Variants in CHD8 observed in about 807,000 individuals in gnomAD.
CHD8 encodes chromodomain helicase DNA binding protein 8, also known as ATP-dependent chromatin remodeler CHD8.
CHD8 carries 31 observed loss-of-function variants against 279.2 expected under a neutral mutation model. The ratio of observed to expected loss-of-function variants is 0.11; its 90% CI spans 0.08 to 0.15. The LOEUF is 0.15. Among genes scored for constraint, CHD8 ranks in the 10% least tolerant of loss-of-function variants. The pLI, the probability that CHD8 is intolerant of heterozygous loss-of-function variation, is 1.00. For synonymous variants in CHD8, 1,081 were observed against 1,139.6 expected, an observed-to-expected ratio of 0.95 and a Z score of 1.04; for missense variants, 2,146 against 3,230.5, an observed-to-expected ratio of 0.66 and a Z score of 8.14.
At chr14:21,454,838 T>A (rs1297673577) in intron 1 of CHD8, 2 of 152,058 alleles carry the variant, frequency 1.3e-5, no homozygotes, top group Non-Finnish European at 2.9e-5. Flanking sequence ...TCTATGAGGT[T>A]GACTAGAATT....
rs370106194 is a variant in CHD8 at position 21,393,127 on chromosome 14, T to C, written c.6447A>G (p.Gln2149=). The change falls in exon 33 of 38, where the codon CAA becomes CAG. Residue 2149 remains glutamine (Q), a synonymous_variant. Coordinates refer to ENST00000646647, the MANE Select transcript of CHD8 (RefSeq NM_001170629.2). ...TPELLLLQER[Q]RASEWPKDRV... Reference sequence around the variant, plus strand: ...TTACCTTGGGCCACTCAGAGGCTCTTTGTCTTTCCTGCAGTAGCAGAAGCT... The same window carrying C: ...TTACCTTGGGCCACTCAGAGGCTCTCTGTCTTTCCTGCAGTAGCAGAAGCT... 3 of 1,613,870 alleles carry C rather than the reference T, an allele frequency of 1.9e-6. No individual in the cohort carries two copies. The highest frequency in any genetic ancestry group is 1.7e-6 in the Non-Finnish European group (2 of 1,179,882).
In CHD8 at chr14:21,390,981, G is replaced by A. The variant is rs751755659; in HGVS notation, c.7148C>T (p.Pro2383Leu). The change falls in exon 37 of 38, where the codon CCA becomes CTA. Residue 2383 changes from proline (P) to leucine (L), a missense_variant. Around this residue, in one of 26 missense-constraint regions of CHD8, gnomAD observed 336 missense variants for 392.9 expected, o/e 0.86. Transcript: ENST00000646647. ...KAELNCLGMEPVQTANSRNGK... is the reference protein window; with the variant it reads ...KAELNCLGMELVQTANSRNGK... ...ATTTCTAGAGTTAGCTGTCTGTACTGGTTCCATTCCCAAACAGTTCAATTC... is the reference window on the plus strand; with the variant it reads ...ATTTCTAGAGTTAGCTGTCTGTACTAGTTCCATTCCCAAACAGTTCAATTC... The A allele has an allele frequency of 6.2e-7, 1 of 1,604,072 alleles. No homozygotes were observed. Among genetic ancestry groups the A allele is most frequent in the African/African-American group, 1.3e-5 (1 of 74,848 alleles).
At position 21,408,646 on chromosome 14, in the gene CHD8, A is replaced by G; in HGVS notation, c.2486+58T>C. ...TAGGAAGAAATTGTTTCAATAGAAA[A>G]CAAATAAAAATAATCCCAGAACTAA... is the stretch of plus-strand genomic sequence containing the variant. On this transcript the variant is annotated intron_variant, in intron 12 of 37. Transcript: ENST00000646647. The surrounding 1 kb of genome is among the most constrained non-coding windows in gnomAD (Gnocchi z 4.3). The G allele has an allele frequency of 1.9e-6, 3 of 1,572,574 alleles. No homozygotes were observed. The highest frequency in any genetic ancestry group is 8.6e-7 in the Non-Finnish European group (1 of 1,160,440).
rs1418510429 is a variant in CHD8 at position 21,403,730 on chromosome 14, C to T, written c.3308-67G>A. On this transcript the variant is annotated intron_variant, in intron 16 of 37. Transcript: ENST00000646647. This position sits in a 1 kb window ranked among gnomAD's most constrained non-coding sequence, Gnocchi z 4.3. ...CATATTAAGGTTGTAGTCTATTTAA[C>T]TAAGAAAGCAAAAGGAAAAAAATGT... is the stretch of plus-strand genomic sequence containing the variant. The T allele has an allele frequency of 2.3e-6, 3 of 1,303,980 alleles. No homozygotes were observed. Among genetic ancestry groups the T allele is most frequent in the Admixed American group, 2.2e-5 (1 of 46,294 alleles). The allele number at this position is 1,303,980 out of a possible 1,614,324, so 80.8% of individuals were successfully genotyped here.
In CHD8 at chr14:21,385,500, G is replaced by T; in HGVS notation, c.*113C>A. 2.2e-6 allele frequency: 3 copies of T among 1,375,450 alleles called. No homozygotes were observed. Among genetic ancestry groups the T allele is most frequent in the Admixed American group, 3.0e-5 (1 of 33,516 alleles). 85.2% of individuals were successfully genotyped at this position (1,375,450 alleles called of 1,614,324 possible). On this transcript the variant is annotated 3_prime_UTR_variant, in exon 38 of 38. Coordinates refer to ENST00000646647, the MANE Select transcript of CHD8 (RefSeq NM_001170629.2). The stretch of plus-strand genomic sequence containing the variant: ...TTTTTTTTTTTCCTTTTCACCTCCT[G>T]GAGTCCTGGACTTCCCCACATCTCC...
At chr14:21,406,708 T>A in intron 14 of CHD8, 148 bp downstream of exon 14, 1 of 671,648 alleles carries the variant, frequency 1.5e-6, no homozygotes, top group South Asian at 2.3e-5. Context: ...TTTACACGAC[T>A]TTCAGGTTAC....
intron 27 of CHD8, 38 bp from the exon 28 acceptor site, chr14:21,395,930 G>GT: frequency 7.4e-7 from 1 of 1,358,788 alleles, no homozygotes; most frequent in Non-Finnish European, 1.1e-6. Flanking sequence ...TGTTAATAAT[G>GT]TATCTTCTAT....
chr14:21,424,964 G>A (rs532582002), intron 5 of CHD8, among the ~76,000 whole-genome samples: 1 of 152,280 alleles, frequency 6.6e-6, no homozygotes, highest in African/African-American at 2.4e-5. Context: ...AGGCCACAGA[G>A]CTACTTAGAA....
chr14:21,386,011 T>C lies in CHD8; in HGVS notation c.7348A>G (p.Ser2450Gly), dbSNP rs1271576942. Residue 2450 changes from serine to glycine, a missense_variant, in exon 38 of 38, where the codon AGC becomes GGC. Ser to Gly is a moderately conservative substitution (Grantham distance 56). Transcript: ENST00000646647. ...GACACAGACTGTAGGCCACTACTGC[T>C]GTGTTGGAACGTGTTATGCAGAGAT... ...SLSLHNTFQH[S>G]SSGLQSVSSL... 10 of 1,592,984 alleles carry C rather than the reference T, an allele frequency of 6.3e-6. No homozygotes were observed. The highest frequency in any genetic ancestry group is 7.7e-6 in the Non-Finnish European group (9 of 1,169,318).
chr14:21,405,785 G>A lies in CHD8; in HGVS notation c.2987C>T (p.Pro996Leu), dbSNP rs750799334. 6.2e-6 allele frequency: 10 copies of A among 1,613,726 alleles called. No homozygotes were observed. Among genetic ancestry groups the A allele is most frequent in the Non-Finnish European group, 4.2e-6 (5 of 1,179,794 alleles). Residue 996 changes from proline (P) to leucine (L), a missense_variant, in exon 15 of 38, where the codon CCG (proline) becomes CTG (leucine). By Grantham distance (98) the Pro-to-Leu change is moderately conservative. Transcript: ENST00000646647. This position sits in a 1 kb window ranked among gnomAD's most constrained non-coding sequence, Gnocchi z 4.2. ...ELFSLLHFLE[P>L]SQFPSESEFL... Reference sequence around the variant, plus strand: ...CTCTGATTCTGAGGGAAATTGTGACGGTTCCAAGAAATGAAGCAAGCTAAA... The same window carrying A: ...CTCTGATTCTGAGGGAAATTGTGACAGTTCCAAGAAATGAAGCAAGCTAAA...
At chr14:21,412,089 G>C (rs1259138274) in intron 10 of CHD8, among the ~76,000 whole-genome samples, 1 of 151,876 alleles carries the variant, frequency 6.6e-6, no homozygotes, top group African/African-American at 2.4e-5. Context: ...AAAAGAAAAA[G>C]AAAAAAGAGA....
chr14:21,436,955 A>C (rs772730351), intron 1 of CHD8: 7 of 1,285,654 alleles, frequency 5.4e-6, no homozygotes, highest in Middle Eastern at 2.1e-4. Context: ...GAGGCGGAAG[A>C]TTTCTGGTAA....
chr14:21,434,233 C>T (rs1889682424), intron 1 of CHD8, among the ~76,000 whole-genome samples: 1 of 151,948 alleles, frequency 6.6e-6, no homozygotes, highest in South Asian at 2.1e-4. Context: ...TTAGTAGAGA[C>T]AGGTTTTCGC....
intron 10 of CHD8, among the ~76,000 whole-genome samples, chr14:21,411,996 G>A (rs545582598): frequency 3.3e-5 from 5 of 151,894 alleles, no homozygotes; most frequent in South Asian, 2.1e-4. Context: ...TCTGGGAGGC[G>A]GAGGTTGCAA....
At chr14:21,425,983 G>C (rs1889298194) in intron 5 of CHD8, 145 bp downstream of exon 5, 1 of 598,756 alleles carries the variant, frequency 1.7e-6, no homozygotes, top group South Asian at 2.1e-5. Context: ...CACTGGCCAG[G>C]TCCATCCACC....
At chr14:21,421,005 A>ACCTG (rs765033748) in intron 5 of CHD8, among the ~76,000 whole-genome samples, 57 of 152,206 alleles carry the variant, frequency 3.7e-4, no homozygotes, top group Non-Finnish European at 7.2e-4. Flanking sequence ...CAGGTGATCC[A>ACCTG]CCTGCCTCGG....
intron 5 of CHD8, among the ~76,000 whole-genome samples, chr14:21,418,058 A>G (rs1888824448): frequency 1.3e-5 from 2 of 151,946 alleles, no homozygotes; most frequent in South Asian, 2.1e-4. Flanking sequence ...GTATATTCAT[A>G]AAGTCAAATA....
intron 5 of CHD8, among the ~76,000 whole-genome samples, chr14:21,418,940 G>C (rs764404198): frequency 4.6e-5 from 7 of 152,250 alleles, no homozygotes; most frequent in African/African-American, 1.7e-4. Context: ...CTACAAGGGA[G>C]TACAGGGGAA....
At chr14:21,401,143 G>T in intron 21 of CHD8, 72 bp from the exon 22 acceptor site, 2 of 1,140,004 alleles carry the variant, frequency 1.8e-6, no homozygotes, top group Non-Finnish European at 2.5e-6. Context: ...GACAATTAGG[G>T]ATTACAATAA....
Sources: gnomAD v4.1 joint callset for allele counts (sites outside exome capture counted in the v4.1 genomes callset) on GRCh38, gnomAD v4.1.1 for gene constraint, gnomAD v4.1.1 regional missense constraint, Gnocchi (gnomAD v3.1) non-coding constraint, MANE v1.5 for transcripts, NCBI Gene and HGNC (gene_info 2026-07-23, HGNC 2026-07-21) for gene names.